The following PCDH15 variants were observed in gnomAD, a reference collection of about 807,000 sequenced individuals.
PCDH15 encodes the protein protocadherin related 15.
Under a neutral mutation model 178.5 loss-of-function variants are expected in PCDH15, and 129 were observed. That is an observed-to-expected ratio of 0.72 (90% CI 0.63 to 0.84). The LOEUF (loss-of-function observed/expected upper bound fraction) is 0.84, where lower values mean the gene tolerates loss of function less well. PCDH15 is among the 40% of genes least tolerant of loss of function. PCDH15 has a pLI of 0.00. For synonymous variants in PCDH15, 800 were observed against 732.0 expected (o/e 1.09, Z -1.50); for missense variants, 2,230 against 2,099.9 (o/e 1.06, Z -1.21).
chr10:55,410,726 G>A (rs1838311413), intron 2 of PCDH15, among the ~76,000 whole-genome samples: 2 of 152,052 alleles, frequency 1.3e-5, no homozygotes, highest in Admixed American at 6.6e-5. Flanking sequence ...CTTTCTGGAG[G>A]CTGTCTGCTG....
chr10:54,046,852 C>A (rs1009988211), intron 18 of PCDH15, among the ~76,000 whole-genome samples: 11 of 150,650 alleles, frequency 7.3e-5, no homozygotes, highest in Non-Finnish European at 1.3e-4. Flanking sequence ...TAATAAAAAT[C>A]TCCGGATATA....
At chr10:54,168,130 C>T (rs1300602305) in intron 13 of PCDH15, among the ~76,000 whole-genome samples, 49 of 152,044 alleles carry the variant, frequency 3.2e-4, no homozygotes, top group African/African-American at 1.0e-3. Context: ...TCTGCAATGC[C>T]GCTTGACCCC....
At chr10:55,542,517 T>C (rs1203302345) in intron 2 of PCDH15, among the ~76,000 whole-genome samples, 1 of 150,820 alleles carries the variant, frequency 6.6e-6, no homozygotes, top group East Asian at 2.0e-4. Context: ...AGTATGTATA[T>C]ATGTACACAT....
intron 2 of PCDH15, among the ~76,000 whole-genome samples, chr10:55,093,715 T>A (rs900783481): frequency 9.9e-5 from 15 of 151,972 alleles, no homozygotes; most frequent in Non-Finnish European, 2.2e-4. Flanking sequence ...AACAACCCCA[T>A]CAAAAAGTGG....
At chr10:55,590,865 C>G (rs908961066) in intron 2 of PCDH15, among the ~76,000 whole-genome samples, 13 of 152,012 alleles carry the variant, frequency 8.6e-5, no homozygotes, top group African/African-American at 2.9e-4. Flanking sequence ...TTTTGTTATA[C>G]ATAGAAGTAA....
chr10:55,295,200 A>G (rs1367430469), intron 1 of PCDH15, among the ~76,000 whole-genome samples: 1 of 152,214 alleles, frequency 6.6e-6, no homozygotes. Context: ...TCTCAATTAT[A>G]CTTTCTCCCT....
At chr10:53,925,922 T>C (rs2084505830) in intron 25 of PCDH15, among the ~76,000 whole-genome samples, 1 of 152,250 alleles carries the variant, frequency 6.6e-6, no homozygotes, top group African/African-American at 2.4e-5. Context: ...ATTCCTTGAC[T>C]TAAGTACTCA....
At chr10:54,433,941 C>A (rs1337727778) in intron 3 of PCDH15, among the ~76,000 whole-genome samples, 2 of 152,204 alleles carry the variant, frequency 1.3e-5, no homozygotes, top group Non-Finnish European at 1.5e-5. Context: ...TAGGAGACAA[C>A]AGCTCCATGT....
chr10:54,208,958 A>C (rs2051111438), intron 10 of PCDH15, among the ~76,000 whole-genome samples: 1 of 151,132 alleles, frequency 6.6e-6, no homozygotes, highest in African/African-American at 2.4e-5. Context: ...AATCGTTTCC[A>C]TCTCTTGTCT....
chr10:55,131,154 T>C (rs1838031637), intron 2 of PCDH15, among the ~76,000 whole-genome samples: 1 of 152,206 alleles, frequency 6.6e-6, no homozygotes, highest in Non-Finnish European at 1.5e-5. Context: ...TCATACAGAA[T>C]AGTTTCACTG....
chr10:54,549,307 T>C (rs1408877655), intron 2 of PCDH15, among the ~76,000 whole-genome samples: 1 of 151,942 alleles, frequency 6.6e-6, no homozygotes, highest in African/African-American at 2.4e-5. Flanking sequence ...AAGTTAAGGC[T>C]ATAAATTGCC....
chr10:54,264,916 T>A (rs973195089), intron 8 of PCDH15, among the ~76,000 whole-genome samples: 1 of 152,024 alleles, frequency 6.6e-6, no homozygotes, highest in Non-Finnish European at 1.5e-5. Flanking sequence ...GAGAACCCCT[T>A]TTATATACTA....
chr10:55,574,896 T>C (rs140208540), intron 2 of PCDH15, among the ~76,000 whole-genome samples: 1 of 152,198 alleles, frequency 6.6e-6, no homozygotes, highest in East Asian at 1.9e-4. Context: ...TCATTAATAA[T>C]AGACTTTTAG....
At chr10:55,532,053 A>C (rs1405757622) in intron 2 of PCDH15, among the ~76,000 whole-genome samples, 1 of 152,060 alleles carries the variant, frequency 6.6e-6, no homozygotes, top group Non-Finnish European at 1.5e-5. Flanking sequence ...TTTAATGAAT[A>C]AAATATCTAA....
intron 2 of PCDH15, among the ~76,000 whole-genome samples, chr10:54,965,821 A>G (rs1359811367): frequency 6.6e-6 from 1 of 151,152 alleles, no homozygotes; most frequent in Non-Finnish European, 1.5e-5. Context: ...TTAACTCTTC[A>G]TGTAGTTTAC....
chr10:55,275,095 C>T (rs1257004046), intron 1 of PCDH15, among the ~76,000 whole-genome samples: 1 of 151,974 alleles, frequency 6.6e-6, no homozygotes, highest in East Asian at 1.9e-4. Flanking sequence ...TCAAACTGAT[C>T]TTTCACCATT....
intron 4 of PCDH15, among the ~76,000 whole-genome samples, chr10:54,371,731 C>A (rs924681035): frequency 6.6e-6 from 1 of 151,856 alleles, no homozygotes; most frequent in Non-Finnish European, 1.5e-5. Context: ...AGCAGAGATT[C>A]TTATCAGTAG....
chr10:54,859,385 T>C (rs1289807170), intron 3 of PCDH15, among the ~76,000 whole-genome samples: 4 of 152,066 alleles, frequency 2.6e-5, no homozygotes, highest in Admixed American at 2.6e-4. Context: ...TGCTTGTCCG[T>C]AGAAACAGAG....
chr10:55,557,114 TTATC>T (rs1440992340), intron 2 of PCDH15, among the ~76,000 whole-genome samples: 4 of 152,122 alleles, frequency 2.6e-5, no homozygotes, highest in African/African-American at 9.7e-5. Flanking sequence ...ATAGCCAAAC[TTATC>T]TATCTTTTAA....
Sources: gnomAD v4.1 joint callset for allele counts (sites outside exome capture counted in the v4.1 genomes callset) on GRCh38, gnomAD v4.1.1 for gene constraint, MANE v1.5 for transcripts, NCBI Gene and HGNC (gene_info 2026-07-23, HGNC 2026-07-21) for gene names.